CATSPERD: variants seen among roughly 807,000 people sequenced by gnomAD.
The protein encoded by CATSPERD is catsper channel auxiliary subunit delta, also known as cation channel sperm-associated auxiliary subunit delta.
CATSPERD carries 86 observed loss-of-function variants against 98.1 expected under a neutral mutation model. The observed-to-expected ratio is 0.88, with a 90% CI of 0.74 to 1.05. The LOEUF is 1.05. Among genes scored for constraint, CATSPERD ranks in the 50% least tolerant of loss-of-function variants. CATSPERD has a pLI of 0.00. For synonymous variants in CATSPERD, 394 were observed against 390.2 expected (o/e 1.01, Z -0.12); for missense variants, 995 against 1,005.7 (o/e 0.99, Z 0.14).
intron 15 of CATSPERD, among the ~76,000 whole-genome samples, chr19:5,761,171 G>T (rs1002334397): frequency 6.6e-6 from 1 of 151,924 alleles, no homozygotes; most frequent in Admixed American, 6.6e-5. Flanking sequence ...GCATGATCTC[G>T]GCTCACTGCA....
intron 5 of CATSPERD, among the ~76,000 whole-genome samples, chr19:5,734,468 G>A (rs922598758): frequency 9.9e-5 from 15 of 152,218 alleles, no homozygotes; most frequent in Admixed American, 3.9e-4. Flanking sequence ...GGGAAACCCC[G>A]TCCCTACTAA....
chr19:5,722,311 CAG>C (rs913018149), intron 1 of CATSPERD, among the ~76,000 whole-genome samples: 1 of 152,094 alleles, frequency 6.6e-6, no homozygotes, highest in African/African-American at 2.4e-5. Flanking sequence ...TTAGTAGAGA[CAG>C]GGTTCCACCA....
chr19:5,770,888 G>C, intron 18 of CATSPERD, 56 bp from the exon 19 acceptor site: 1 of 1,545,430 alleles, frequency 6.5e-7, no homozygotes, highest in Non-Finnish European at 8.7e-7. Context: ...GTGAAGGGTT[G>C]GCAGACTGGG....
intron 15 of CATSPERD, among the ~76,000 whole-genome samples, chr19:5,762,965 ATGGATGGATGGGTGGG>A (rs1187841007): frequency 6.6e-6 from 1 of 151,044 alleles, no homozygotes; most frequent in East Asian, 2.0e-4. Flanking sequence ...GGATGAGTGG[ATGGATGGATGGGTGGG>A]TGGATGGAAT....
intron 7 of CATSPERD, among the ~76,000 whole-genome samples, chr19:5,743,068 A>C (rs911130111): frequency 6.6e-6 from 1 of 151,842 alleles, no homozygotes; most frequent in Non-Finnish European, 1.5e-5. Context: ...CTTTGGGAGG[A>C]CAAGGCAGGT....
At chr19:5,763,847 C>CTTTTTTTTTTTTTTTCTTTTTTTT (rs2056488438) in intron 16 of CATSPERD, among the ~76,000 whole-genome samples, 1 of 62,120 alleles carries the variant, frequency 1.6e-5, no homozygotes, top group Non-Finnish European at 3.2e-5. Flanking sequence ...TCTTGAACTC[C>CTTTTTTTTTTTTTTTCTTTTTTTT]TTTTTTTTTT....
At position 5,733,307 on chromosome 19, in the gene CATSPERD, T is replaced by TTTTCTTTCTTTCTTTCTTTCTTTCTTTC. The variant is rs143559496; in HGVS notation, c.277-548_277-521dup. Among the ~76,000 whole-genome samples the TTTTCTTTCTTTCTTTCTTTCTTTCTTTC allele has an allele frequency of 9.5e-4, 140 of 146,938 alleles. 2 individuals carry two copies. The highest frequency in any genetic ancestry group is 3.4e-3 in the African/African-American group (132 of 38,396). ...CTGCGCCTGGTCTCTTTCTTTTTCT[T>TTTTCTTTCTTTCTTTCTTTCTTTCTTTC]TTTCTTTCTTTCTTTCTTTCTTTCT... On this transcript the variant is annotated intron_variant, in intron 4 of 21. Coordinates refer to ENST00000381624, the MANE Select transcript of CATSPERD (RefSeq NM_152784.4).
At chr19:5,739,277 A>G in intron 6 of CATSPERD, 49 bp from the exon 7 acceptor site, 1 of 976,918 alleles carries the variant, frequency 1.0e-6, no homozygotes, top group Non-Finnish European at 1.6e-6. Context: ...TCAGGAACGT[A>G]CTTGCTGGCA....
At chr19:5,729,326 T>C (rs1488939692) in intron 3 of CATSPERD, among the ~76,000 whole-genome samples, 1 of 151,592 alleles carries the variant, frequency 6.6e-6, no homozygotes, top group African/African-American at 2.4e-5. Flanking sequence ...TCTCGAACTC[T>C]TGACCTCAGG....
Position 5,752,452 on chromosome 19 carries a change from T to C in CATSPERD, c.1164+629T>C, listed in dbSNP as rs367916531. 1.4e-4 allele frequency among the ~76,000 whole-genome samples: 21 copies of C among 152,012 alleles called. No homozygotes were observed. In the East Asian group the frequency reaches 3.9e-3, roughly 28 times the overall value. On this transcript the variant is annotated intron_variant, in intron 12 of 21. Transcript: ENST00000381624. ...TGGAGTCACTGCACTCCAGCCTGGG[T>C]GACAAAATGAGATCCTCGTTTCTAA...
At chr19:5,723,884 C>G (rs2055551923) in intron 1 of CATSPERD, among the ~76,000 whole-genome samples, 1 of 152,038 alleles carries the variant, frequency 6.6e-6, no homozygotes, top group East Asian at 1.9e-4. Flanking sequence ...TCAAGCGATT[C>G]TCCTGCCTCA....
At chr19:5,770,444 A>AG in intron 18 of CATSPERD, among the ~76,000 whole-genome samples, 1 of 151,682 alleles carries the variant, frequency 6.6e-6, no homozygotes, top group East Asian at 1.9e-4. Context: ...AAAAAAAAAA[A>AG]AAGGCAAAAA....
At chr19:5,725,667 C>T (rs55919115) in intron 2 of CATSPERD, among the ~76,000 whole-genome samples, 1 of 151,822 alleles carries the variant, frequency 6.6e-6, no homozygotes, top group African/African-American at 2.4e-5. Context: ...TTTGGGAGGC[C>T]GAGGCGGGCG....
intron 16 of CATSPERD, 116 bp from the exon 17 acceptor site, chr19:5,765,987 T>A: frequency 1.5e-6 from 1 of 678,868 alleles, no homozygotes; most frequent in South Asian, 2.2e-5. Context: ...GCTGTTGGGA[T>A]CCAGGCCACA....
chr19:5,751,947 G>A, intron 12 of CATSPERD, 124 bp downstream of exon 12: 1 of 906,634 alleles, frequency 1.1e-6, no homozygotes, highest in Non-Finnish European at 1.6e-6. Flanking sequence ...AGGGTTGTTT[G>A]AGGCCAGGAG....
At chr19:5,772,691 C>A (rs1599598781) in intron 19 of CATSPERD, 97 bp from the exon 20 acceptor site, 5 of 1,271,010 alleles carry the variant, frequency 3.9e-6, no homozygotes, top group East Asian at 2.4e-5. Flanking sequence ...ACCTCCCACC[C>A]CCCAAGCGGT....
chr19:5,754,035 G>A, intron 12 of CATSPERD, 97 bp from the exon 13 acceptor site: 1 of 779,052 alleles, frequency 1.3e-6, no homozygotes, highest in Non-Finnish European at 2.2e-6. Context: ...GATTCAGGCT[G>A]CAGGACCAGG....
intron 18 of CATSPERD, among the ~76,000 whole-genome samples, chr19:5,770,008 C>T (rs1477761554): frequency 2.7e-5 from 4 of 149,542 alleles, no homozygotes; most frequent in Non-Finnish European, 4.4e-5. Flanking sequence ...AGAATTTCTT[C>T]AACCCGGGAG....
chr19:5,763,102 A>AGATGGATG (rs1240097110), intron 15 of CATSPERD, 113 bp from the exon 16 acceptor site: 1 of 734,402 alleles, frequency 1.4e-6, no homozygotes, highest in East Asian at 2.7e-5. Flanking sequence ...AGGATGGATG[A>AGATGGATG]GATGGATGGA....
Sources: allele counts gnomAD v4.1 joint callset (sites outside exome capture counted in the v4.1 genomes callset), GRCh38; gene constraint gnomAD v4.1.1; transcripts MANE v1.5; gene names NCBI Gene and HGNC (gene_info 2026-07-23, HGNC 2026-07-21).